MACROD2: variants seen among roughly 807,000 people sequenced by gnomAD.
MACROD2 encodes the protein ADP-ribose glycohydrolase MACROD2.
A neutral mutation model predicts 70.4 loss-of-function variants in MACROD2; 36 were observed. That is an observed-to-expected ratio of 0.51 (90% CI 0.39 to 0.68). The LOEUF (loss-of-function observed/expected upper bound fraction) is 0.68. Ranked by LOEUF, MACROD2 falls within the 30% of genes least tolerant of loss-of-function variation. The pLI, the probability that MACROD2 is intolerant of heterozygous loss-of-function variation, is 0.00. For missense variants in MACROD2, 496 were observed against 538.4 expected (o/e 0.92, Z 0.78); for synonymous variants, 172 against 178.8 (o/e 0.96, Z 0.30).
At chr20:14,745,111 AG>A (rs2071783178) in intron 5 of MACROD2, among the ~76,000 whole-genome samples, 1 of 152,036 alleles carries the variant, frequency 6.6e-6, no homozygotes, top group African/African-American at 2.4e-5. Flanking sequence ...TTTTTCAGGG[AG>A]GTGGGCTAGA....
chr20:15,474,588 G>C (rs1317716139), intron 7 of MACROD2, among the ~76,000 whole-genome samples: 1 of 152,140 alleles, frequency 6.6e-6, no homozygotes, highest in Admixed American at 6.5e-5. Context: ...GATTAAAAAT[G>C]AGCAATCGGA....
intron 8 of MACROD2, among the ~76,000 whole-genome samples, chr20:15,837,459 C>T (rs2064126500): frequency 6.6e-6 from 1 of 152,168 alleles, no homozygotes; most frequent in Non-Finnish European, 1.5e-5. Flanking sequence ...CCTCTCTTGT[C>T]CTCACAAGAA....
intron 3 of MACROD2, among the ~76,000 whole-genome samples, chr20:14,217,849 G>C (rs755709530): frequency 6.6e-6 from 1 of 152,056 alleles, no homozygotes; most frequent in Non-Finnish European, 1.5e-5. Flanking sequence ...GGTGTCAGCT[G>C]TAATATCTCC....
chr20:14,292,288 G>T (rs542786853), intron 3 of MACROD2, among the ~76,000 whole-genome samples: 1 of 151,818 alleles, frequency 6.6e-6, no homozygotes, highest in Non-Finnish European at 1.5e-5. Flanking sequence ...TTTTGTCCTT[G>T]GGAGACACTT....
At chr20:14,969,272 G>C (rs549123207) in intron 5 of MACROD2, among the ~76,000 whole-genome samples, 4 of 151,538 alleles carry the variant, frequency 2.6e-5, no homozygotes, top group African/African-American at 9.7e-5. Flanking sequence ...ATGATCTGGT[G>C]GCCTTTTGTT....
chr20:15,656,405 T>A (rs1302920905), intron 8 of MACROD2, among the ~76,000 whole-genome samples: 1 of 152,192 alleles, frequency 6.6e-6, no homozygotes, highest in Non-Finnish European at 1.5e-5. Flanking sequence ...GGAATGGCTA[T>A]CTTTCTTGCA....
intron 8 of MACROD2, among the ~76,000 whole-genome samples, chr20:15,553,705 G>A (rs919351128): frequency 1.3e-5 from 2 of 152,162 alleles, no homozygotes; most frequent in Admixed American, 1.3e-4. Flanking sequence ...CAGGCATGCT[G>A]GGCACATTGT....
intron 5 of MACROD2, among the ~76,000 whole-genome samples, chr20:14,717,798 G>A (rs796275153): frequency 1.3e-5 from 2 of 152,136 alleles, no homozygotes; most frequent in South Asian, 4.1e-4. Flanking sequence ...CAGGGAGATA[G>A]GGAGGATGTT....
chr20:15,081,698 T>C (rs2123135636), intron 5 of MACROD2, among the ~76,000 whole-genome samples: 1 of 152,262 alleles, frequency 6.6e-6, no homozygotes, highest in East Asian at 1.9e-4. Flanking sequence ...ACCACCCCTC[T>C]GATAGGAAAA....
At chr20:15,855,801 G>A (rs998970936) in intron 8 of MACROD2, among the ~76,000 whole-genome samples, 14 of 151,834 alleles carry the variant, frequency 9.2e-5, no homozygotes, top group Admixed American at 9.2e-4. Context: ...TTTTTTCTGG[G>A]TTCTGTTATA....
intron 3 of MACROD2, among the ~76,000 whole-genome samples, chr20:14,435,865 C>T (rs960517745): frequency 2.0e-5 from 3 of 152,090 alleles, no homozygotes; most frequent in Admixed American, 6.6e-5. Flanking sequence ...CGCCACCACA[C>T]CTGGCTAATT....
At chr20:14,412,112 G>C (rs533117438) in intron 3 of MACROD2, among the ~76,000 whole-genome samples, 88 of 152,194 alleles carry the variant, frequency 5.8e-4, no homozygotes, top group African/African-American at 2.0e-3. Context: ...ATTGCATCCA[G>C]CTTCTAAAAT....
chr20:14,349,191 CTT>C (rs5840611), intron 3 of MACROD2, among the ~76,000 whole-genome samples: 3,019 of 136,696 alleles, frequency 0.022, 61 homozygotes, highest in African/African-American at 0.056. Flanking sequence ...TATATACAAA[CTT>C]TTTTTTTTTT....
At chr20:15,169,162 G>C (rs746774474) in intron 5 of MACROD2, among the ~76,000 whole-genome samples, 24 of 152,152 alleles carry the variant, frequency 1.6e-4, no homozygotes, top group Non-Finnish European at 2.6e-4. Flanking sequence ...TACATTTTAT[G>C]TTATGTATAT....
intron 3 of MACROD2, among the ~76,000 whole-genome samples, chr20:14,379,448 G>T (rs566565999): frequency 6.6e-5 from 10 of 152,254 alleles, no homozygotes; most frequent in East Asian, 5.8e-4. Flanking sequence ...GCTTTTAATT[G>T]TAAGAAATAT....
At chr20:15,320,657 G>A (rs1161863142) in intron 6 of MACROD2, among the ~76,000 whole-genome samples, 1 of 152,122 alleles carries the variant, frequency 6.6e-6, no homozygotes, top group African/African-American at 2.4e-5. Flanking sequence ...AGCTTCAATT[G>A]CTAGTGTTTC....
chr20:14,401,425 G>A (rs982655509), intron 3 of MACROD2, among the ~76,000 whole-genome samples: 1 of 152,126 alleles, frequency 6.6e-6, no homozygotes, highest in African/African-American at 2.4e-5. Context: ...AATTGTTACT[G>A]TATGCTTTCT....
intron 2 of MACROD2, among the ~76,000 whole-genome samples, chr20:14,084,207 G>A (rs1040493468): frequency 9.9e-5 from 15 of 151,544 alleles, no homozygotes; most frequent in Non-Finnish European, 4.4e-5. Context: ...TTTGGGGAGG[G>A]TGTATTGTGG....
In MACROD2 at chr20:14,486,513, C is replaced by CTTTTTTTTTTTTTTTTTT. The variant is rs71335969; in HGVS notation, c.272-6961_272-6960insTTTTTTTTTTTTTTTTTT. Among the ~76,000 whole-genome samples the CTTTTTTTTTTTTTTTTTT allele has an allele frequency of 3.1e-5, 3 of 97,064 alleles. 1 individual carries two copies. Among genetic ancestry groups the CTTTTTTTTTTTTTTTTTT allele is most frequent in the African/African-American group, 4.0e-5 (1 of 25,060 alleles). The allele number at this position is 97,064 out of a possible 152,430, so 63.7% of individuals were successfully genotyped here. A position where few individuals can be genotyped will look rare whatever the true frequency, so the allele number is the denominator to read the frequency against. On this transcript the variant is annotated intron_variant, in intron 3 of 17. Transcript: ENST00000684519. ...GAGCTATCTGGCATAAAATAGCCAACTTTTTATTTTATTTTTTTTTTTTGA... is the reference window on the plus strand; with the variant it reads ...GAGCTATCTGGCATAAAATAGCCAACTTTTTTTTTTTTTTTTTTTTTTTATTTTATTTTTTTTTTTTGA...
Sources: gnomAD v4.1 joint callset for allele counts (sites outside exome capture counted in the v4.1 genomes callset) on GRCh38, gnomAD v4.1.1 for gene constraint, MANE v1.5 for transcripts, NCBI Gene and HGNC (gene_info 2026-07-23, HGNC 2026-07-21) for gene names.